Variants in CABS1 observed in about 807,000 individuals in gnomAD.
The protein encoded by CABS1 is calcium binding protein, spermatid associated 1, also known as calcium-binding and spermatid-specific protein 1.
For missense variants in CABS1, 500 were observed against 464.3 expected, an observed-to-expected ratio of 1.08 and a Z score of -0.71; for synonymous variants, 195 against 169.0, an observed-to-expected ratio of 1.15 and a Z score of -1.19.
Position 70,335,347 on chromosome 4 carries a change from C to T in CABS1, c.308C>T (p.Thr103Ile). The change falls in exon 1 of 2, where the codon ACA (threonine) becomes ATA (isoleucine). Residue 103 changes from threonine to isoleucine, a missense_variant. Transcript: ENST00000273936. ...GAAATTACCTCTCTGACTGGCACTACAAACTCCATAACAAGAGACTCTATT... is the reference window on the plus strand; with the variant it reads ...GAAATTACCTCTCTGACTGGCACTATAAACTCCATAACAAGAGACTCTATT... ...QKEITSLTGT[T>I]NSITRDSITE... The T allele has an allele frequency of 6.2e-7, 1 of 1,613,864 alleles. No homozygotes were observed. Among genetic ancestry groups the T allele is most frequent in the Non-Finnish European group, 8.5e-7 (1 of 1,179,872 alleles).
In CABS1 at chr4:70,336,058, A is replaced by C. The variant is rs1364372353; in HGVS notation, c.1019A>C (p.Glu340Ala). 6.2e-7 allele frequency: 1 copy of C among 1,613,234 alleles called. No individual in the cohort carries two copies. Among genetic ancestry groups the C allele is most frequent in the Non-Finnish European group, 8.5e-7 (1 of 1,179,452 alleles). ...ATNLVEESST[E>A]EDLSETDNTE... is the part of the protein sequence containing the mutation. ...AACCTAGTGGAAGAATCATCTACAGAAGAAGATTTGTCTGAAACTGATAAT... is the reference window on the plus strand; with the variant it reads ...AACCTAGTGGAAGAATCATCTACAGCAGAAGATTTGTCTGAAACTGATAAT... The change falls in exon 1 of 2, where the codon GAA (glutamate) becomes GCA (alanine). Residue 340 changes from glutamate (E) to alanine (A), a missense_variant. By Grantham distance (107) the Glu-to-Ala change is moderately radical. Transcript: ENST00000273936.
In CABS1 at chr4:70,336,315, C is replaced by T. The variant is rs1731730375; in HGVS notation, c.*88C>T. ...AAGAAATTTTTCCAACAAGCAAAAACCTTTAGAAATGAAAGAATGTGGGCA... is the reference window on the plus strand; with the variant it reads ...AAGAAATTTTTCCAACAAGCAAAAATCTTTAGAAATGAAAGAATGTGGGCA... On this transcript the variant is annotated 3_prime_UTR_variant, in exon 1 of 2. Coordinates refer to ENST00000273936, the MANE Select transcript of CABS1 (RefSeq NM_033122.4). 6.8e-7 allele frequency: 1 copy of T among 1,466,346 alleles called. No individual in the cohort carries two copies. The highest frequency in any genetic ancestry group is 1.4e-5 in the African/African-American group (1 of 70,070). 90.8% of individuals were successfully genotyped at this position (1,466,346 alleles called of 1,614,324 possible). A position where few individuals can be genotyped will look rare whatever the true frequency, so the allele number is the denominator to read the frequency against.
In CABS1 at chr4:70,335,104, C is replaced by T; in HGVS notation, c.65C>T (p.Thr22Ile). ...CCAACAGAAAGCAGTAAAACACCAA[C>T]TGCAGCAACCATTTTCTTTGGGGCT... ...HPPTESSKTPTAATIFFGADN... is the reference protein window; with the variant it reads ...HPPTESSKTPIAATIFFGADN... The change falls in exon 1 of 2, where the codon ACT (threonine) becomes ATT (isoleucine). Residue 22 changes from threonine to isoleucine, a missense_variant. Transcript: ENST00000273936. 1.9e-6 allele frequency: 3 copies of T among 1,613,706 alleles called. No homozygotes were observed. Among genetic ancestry groups the T allele is most frequent in the Non-Finnish European group, 2.5e-6 (3 of 1,179,786 alleles).
rs764258544 is a variant in CABS1 at position 70,335,717 on chromosome 4, T to G, written c.678T>G (p.Thr226=). ...CTCCTGCTCCTGAAGAAAGCTTCAC[T>G]ACTATTCCAGACATAACTGCCCTTG... is the stretch of plus-strand genomic sequence containing the variant. ...EIPPAPEESF[T]TIPDITALEE... Residue 226 remains threonine (T), a synonymous_variant, in exon 1 of 2, where the codon ACT becomes ACG. Coordinates refer to ENST00000273936, the MANE Select transcript of CABS1 (RefSeq NM_033122.4). 16 of 1,613,612 alleles carry G rather than the reference T, an allele frequency of 9.9e-6. No homozygotes were observed. The East Asian group carries it at 3.6e-4, about 36-fold the overall frequency.
chr4:70,336,032 A>C lies in CABS1; in HGVS notation c.993A>C (p.Thr331=). The change falls in exon 1 of 2, where the codon ACA becomes ACC. Residue 331 remains threonine, a synonymous_variant. Coordinates refer to ENST00000273936, the MANE Select transcript of CABS1 (RefSeq NM_033122.4). ...TCGTTGTCCCTGCATCAATAGCTAC[A>C]AACCTAGTGGAAGAATCATCTACAG... ...YDFVVPASIA[T]NLVEESSTEE... is the part of the protein sequence containing the mutation. The C allele has an allele frequency of 6.2e-7, 1 of 1,613,494 alleles. No homozygotes were observed. The highest frequency in any genetic ancestry group is 8.5e-7 in the Non-Finnish European group (1 of 1,179,642).
Position 70,335,196 on chromosome 4 carries a change from G to C in CABS1, c.157G>C (p.Glu53Gln). 1 of 1,613,762 alleles carries C rather than the reference G, an allele frequency of 6.2e-7. No homozygotes were observed. ...SEGDHVTSVN[E>Q]YMLESDFSTT... ...AGGAGACCACGTCACTTCAGTAAAT[G>C]AATATATGCTAGAAAGCGATTTTTC... is the stretch of plus-strand genomic sequence containing the variant. The change falls in exon 1 of 2, where the codon GAA becomes CAA. Residue 53 changes from glutamate to glutamine, a missense_variant. Coordinates refer to ENST00000273936, the MANE Select transcript of CABS1 (RefSeq NM_033122.4).
chr4:70,336,215 G>A lies in CABS1; in HGVS notation c.1176G>A (p.Glu392=). 4 of 1,608,140 alleles carry A rather than the reference G, an allele frequency of 2.5e-6. No individual in the cohort carries two copies. Among genetic ancestry groups the A allele is most frequent in the Non-Finnish European group, 3.4e-6 (4 of 1,177,534 alleles). The change falls in exon 1 of 2, where the codon GAG becomes GAA. Residue 392 remains glutamate (E), a synonymous_variant. Coordinates refer to ENST00000273936, the MANE Select transcript of CABS1 (RefSeq NM_033122.4). ...AACTACTGAAAGAAGAACCCGATGA[G>A]TTCATGATTTAAAAGCAACAAAAGG... The part of the protein sequence containing the change: ...IFELLKEEPD[E]FMI
rs776684526 is a variant in CABS1 at position 70,335,711 on chromosome 4, C to T, written c.672C>T (p.Ser224=). Residue 224 remains serine (S), a synonymous_variant, in exon 1 of 2, where the codon AGC becomes AGT. Coordinates refer to ENST00000273936, the MANE Select transcript of CABS1 (RefSeq NM_033122.4). ...AAATCCCTCCTGCTCCTGAAGAAAG[C>T]TTCACTACTATTCCAGACATAACTG... ...EAEIPPAPEE[S]FTTIPDITAL... is the part of the protein sequence containing the mutation. The T allele has an allele frequency of 5.0e-6, 8 of 1,613,618 alleles. No homozygotes were observed. Among genetic ancestry groups the T allele is most frequent in the Non-Finnish European group, 6.8e-6 (8 of 1,179,760 alleles).
At chr4:70,336,401 A>T in intron 1 of CABS1, 55 bp downstream of exon 1, 1 of 851,792 alleles carries the variant, frequency 1.2e-6, no homozygotes, top group Non-Finnish European at 1.7e-6. Flanking sequence ...CATGTAACAG[A>T]TTTACGGAAA....
Position 70,335,675 on chromosome 4 carries a change from T to C in CABS1, c.636T>C (p.Ile212=). 1 of 1,613,576 alleles carries C rather than the reference T, an allele frequency of 6.2e-7. No homozygotes were observed. Among genetic ancestry groups the C allele is most frequent in the Non-Finnish European group, 8.5e-7 (1 of 1,179,764 alleles). ...DEAVQVTDST[I]PEAEIPPAPE... ...CTGTCCAGGTCACTGATTCCACTATTCCTGAGGCTGAAATCCCTCCTGCTC... is the reference window on the plus strand; with the variant it reads ...CTGTCCAGGTCACTGATTCCACTATCCCTGAGGCTGAAATCCCTCCTGCTC... Residue 212 remains isoleucine (I), a synonymous_variant, in exon 1 of 2, where the codon ATT becomes ATC. Transcript: ENST00000273936.
chr4:70,334,988 C>G lies in CABS1; in HGVS notation c.-52C>G. The G allele has an allele frequency of 6.5e-7, 1 of 1,538,566 alleles. No individual in the cohort carries two copies. The highest frequency in any genetic ancestry group is 8.8e-7 in the Non-Finnish European group (1 of 1,139,752). Reference sequence around the variant, plus strand: ...AACACTGCTCTCCTGCCTAGAGATACCACTGAGTCCAGAAGCAAGACCTGT... The same window carrying G: ...AACACTGCTCTCCTGCCTAGAGATAGCACTGAGTCCAGAAGCAAGACCTGT... On this transcript the variant is annotated 5_prime_UTR_variant, in exon 1 of 2. Coordinates refer to ENST00000273936, the MANE Select transcript of CABS1 (RefSeq NM_033122.4).
rs561541971 is a variant in CABS1, at chr4:70,335,854, C to G, written c.815C>G (p.Thr272Ser). ...EKFITVFELT[T>S]SAEKDKDKRE... ...TTTATCACTGTGTTTGAACTCACTA[C>G]CTCTGCTGAAAAAGACAAAGATAAA... The change falls in exon 1 of 2, where the codon ACC (threonine) becomes AGC (serine). Residue 272 changes from threonine (T) to serine (S), a missense_variant. Transcript: ENST00000273936. 1 of 1,613,552 alleles carries G rather than the reference C, an allele frequency of 6.2e-7. No homozygotes were observed. The highest frequency in any genetic ancestry group is 8.5e-7 in the Non-Finnish European group (1 of 1,179,708).
Position 70,336,269 on chromosome 4 carries a change from A to G in CABS1, c.*42A>G, listed in dbSNP as rs1273169499. On this transcript the variant is annotated 3_prime_UTR_variant, in exon 1 of 2. Transcript: ENST00000273936. ...ACCATGTAGAATTGTGCAATAGTCT[A>G]GCCAGCTAGCCTTAACATCTAAGAA... The G allele has an allele frequency of 1.3e-6, 2 of 1,530,498 alleles. No individual in the cohort carries two copies. The highest frequency in any genetic ancestry group is 2.8e-5 in the African/African-American group (2 of 71,776). The allele number at this position is 1,530,498 out of a possible 1,614,324, so 94.8% of individuals were successfully genotyped here.
At position 70,335,730 on chromosome 4, in the gene CABS1, A is replaced by G; in HGVS notation, c.691A>G (p.Ile231Val). Residue 231 changes from isoleucine to valine, a missense_variant, in exon 1 of 2, where the codon ATA becomes GTA. By Grantham distance (29) the Ile-to-Val change is conservative. Transcript: ENST00000273936. ...PEESFTTIPD[I>V]TALEEEKITE... ...AGAAAGCTTCACTACTATTCCAGAC[A>G]TAACTGCCCTTGAAGAAGAGAAAAT... The G allele has an allele frequency of 6.2e-7, 1 of 1,613,688 alleles. No homozygotes were observed.
At position 70,335,686 on chromosome 4, in the gene CABS1, A is replaced by G; in HGVS notation, c.647A>G (p.Glu216Gly). 6.2e-7 allele frequency: 1 copy of G among 1,613,578 alleles called. No individual in the cohort carries two copies. Among genetic ancestry groups the G allele is most frequent in the South Asian group, 1.1e-5 (1 of 91,068 alleles). The change falls in exon 1 of 2, where the codon GAA (glutamate) becomes GGA (glycine). Residue 216 changes from glutamate (E) to glycine (G), a missense_variant. Coordinates refer to ENST00000273936, the MANE Select transcript of CABS1 (RefSeq NM_033122.4). ...ACTGATTCCACTATTCCTGAGGCTG[A>G]AATCCCTCCTGCTCCTGAAGAAAGC... ...QVTDSTIPEA[E>G]IPPAPEESFT... is the part of the protein sequence containing the mutation.
In CABS1 at chr4:70,335,554, G is replaced by A. The variant is rs1052546925; in HGVS notation, c.515G>A (p.Gly172Asp). ...VSGTLKDSSA[G>D]VADAPAFPRK... Reference sequence around the variant, plus strand: ...GGCACACTAAAGGACAGCAGTGCTGGTGTTGCTGACGCTCCTGCCTTTCCA... The same window carrying A: ...GGCACACTAAAGGACAGCAGTGCTGATGTTGCTGACGCTCCTGCCTTTCCA... The change falls in exon 1 of 2, where the codon GGT becomes GAT. Residue 172 changes from glycine (G) to aspartate (D), a missense_variant. Physicochemically the swap from Gly to Asp is moderately conservative, Grantham distance 94. Coordinates refer to ENST00000273936, the MANE Select transcript of CABS1 (RefSeq NM_033122.4). The A allele has an allele frequency of 1.9e-6, 3 of 1,613,586 alleles. No individual in the cohort carries two copies. Among genetic ancestry groups the A allele is most frequent in the African/African-American group, 2.7e-5 (2 of 74,902 alleles).
chr4:70,335,392 T>C lies in CABS1; in HGVS notation c.353T>C (p.Val118Ala), dbSNP rs1731698053. 6.2e-7 allele frequency: 1 copy of C among 1,613,652 alleles called. No individual in the cohort carries two copies. Among genetic ancestry groups the C allele is most frequent in the African/African-American group, 1.3e-5 (1 of 74,896 alleles). ...RDSITEHFMP[V>A]KIGNISSPVT... ...TCTATTACCGAACATTTCATGCCAG[T>C]GAAAATTGGGAATATTTCATCACCA... Residue 118 changes from valine (V) to alanine (A), a missense_variant, in exon 1 of 2, where the codon GTG becomes GCG. Physicochemically the swap from Val to Ala is moderately conservative, Grantham distance 64. Transcript: ENST00000273936.
chr4:70,335,213 C>T lies in CABS1; in HGVS notation c.174C>T (p.Ser58=), dbSNP rs944641925. 7.4e-6 allele frequency: 12 copies of T among 1,613,662 alleles called. No homozygotes were observed. The highest frequency in any genetic ancestry group is 9.3e-6 in the Non-Finnish European group (11 of 1,179,818). ...CAGTAAATGAATATATGCTAGAAAGCGATTTTTCAACAACTACAGACAACA... is the reference window on the plus strand; with the variant it reads ...CAGTAAATGAATATATGCTAGAAAGTGATTTTTCAACAACTACAGACAACA... The part of the protein sequence containing the change: ...VTSVNEYMLE[S]DFSTTTDNKL... The change falls in exon 1 of 2, where the codon AGC becomes AGT. Residue 58 remains serine (S), a synonymous_variant. Coordinates refer to ENST00000273936, the MANE Select transcript of CABS1 (RefSeq NM_033122.4).
intron 1 of CABS1, among the ~76,000 whole-genome samples, chr4:70,336,669 C>A (rs1731735844): frequency 7.0e-6 from 1 of 142,662 alleles, no homozygotes; most frequent in African/African-American, 2.5e-5. Flanking sequence ...AAAAGTTCTC[C>A]CAAAATGCTT....
Sources: allele counts gnomAD v4.1 joint callset (sites outside exome capture counted in the v4.1 genomes callset), GRCh38; gene constraint gnomAD v4.1.1; transcripts MANE v1.5; gene names NCBI Gene and HGNC (gene_info 2026-07-23, HGNC 2026-07-21).